Variants in SLC35E1 observed in about 807,000 individuals in gnomAD.
SLC35E1 encodes solute carrier family 35, member E1.
A neutral mutation model predicts 31.0 loss-of-function variants in SLC35E1; 12 were observed. The ratio of observed to expected loss-of-function variants is 0.39; its 90% confidence interval spans 0.25 to 0.63. The LOEUF (loss-of-function observed/expected upper bound fraction) is 0.63, where lower values mean the gene tolerates loss of function less well. Among genes scored for constraint, SLC35E1 ranks in the 20% least tolerant of loss-of-function variants. The pLI is 0.52. For synonymous variants in SLC35E1, 257 were observed against 264.1 expected, an observed-to-expected ratio of 0.97 and a Z score of 0.26; for missense variants, 429 against 572.2, an observed-to-expected ratio of 0.75 and a Z score of 2.55.
chr19:16,561,213 C>CA (rs59176175), intron 4 of SLC35E1, among the ~76,000 whole-genome samples: 534 of 24,768 alleles, frequency 0.022, 49 homozygotes, highest in African/African-American at 0.071. Flanking sequence ...GACTCCATCT[C>CA]AAAAAAAAAA....
At chr19:16,558,401 AT>A (rs1244428268) in intron 4 of SLC35E1, among the ~76,000 whole-genome samples, 1 of 151,822 alleles carries the variant, frequency 6.6e-6, no homozygotes, top group Non-Finnish European at 1.5e-5. Flanking sequence ...CAGTGGCACG[AT>A]CTTGGCTCAC....
At position 16,551,779 on chromosome 19, in the gene SLC35E1, G is replaced by C. The variant is rs1039660096; in HGVS notation, c.*1900C>G. The C allele has an allele frequency of 3.0e-5, 4 of 135,094 alleles. No individual in the cohort carries two copies. The Admixed American group carries it at 3.2e-4, about 11-fold the overall frequency. 8.4% of individuals were successfully genotyped at this position (135,094 alleles called of 1,614,324 possible). On this transcript the variant is annotated 3_prime_UTR_variant, in exon 6 of 6. Transcript: ENST00000595753. ...TTTTTTTTTTTTTTTTTTTGAGACAGAGTCTCACTCTGTCACCAAGGCTGG... is the reference window on the plus strand; with the variant it reads ...TTTTTTTTTTTTTTTTTTTGAGACACAGTCTCACTCTGTCACCAAGGCTGG...
At chr19:16,559,840 A>C (rs2085895767) in intron 4 of SLC35E1, among the ~76,000 whole-genome samples, 1 of 152,058 alleles carries the variant, frequency 6.6e-6, no homozygotes, top group Non-Finnish European at 1.5e-5. Flanking sequence ...AACCACCTGG[A>C]ATTTCCTGGG....
chr19:16,562,914 T>C (rs1599319661), intron 4 of SLC35E1, among the ~76,000 whole-genome samples: 2 of 152,150 alleles, frequency 1.3e-5, no homozygotes, highest in Admixed American at 6.5e-5. Context: ...GGTTTCACCA[T>C]GTTGACCAGG....
At chr19:16,554,258 G>A (rs891071733) in intron 5 of SLC35E1, among the ~76,000 whole-genome samples, 1 of 135,364 alleles carries the variant, frequency 7.4e-6, no homozygotes, top group Non-Finnish European at 1.6e-5. Flanking sequence ...AGAGCAAGAC[G>A]CTGTCTCAGA....
intron 5 of SLC35E1, 41 bp from the exon 6 acceptor site, chr19:16,553,950 G>A (rs1388729057): frequency 2.7e-6 from 4 of 1,504,678 alleles, no homozygotes; most frequent in Admixed American, 2.1e-5. Flanking sequence ...CATGCCCGGG[G>A]CATAAGAGCT....
intron 2 of SLC35E1, among the ~76,000 whole-genome samples, chr19:16,569,057 G>A (rs2085945330): frequency 6.7e-6 from 1 of 149,436 alleles, no homozygotes; most frequent in African/African-American, 2.5e-5. Context: ...ACGGAGTCTC[G>A]CTCTGTCACC....
chr19:16,559,532 A>C (rs2085894223), intron 4 of SLC35E1, among the ~76,000 whole-genome samples: 1 of 151,430 alleles, frequency 6.6e-6, no homozygotes, highest in Non-Finnish European at 1.5e-5. Context: ...GTGAACGTGT[A>C]GTCCCAGCTA....
chr19:16,568,019 G>T lies in SLC35E1; in HGVS notation c.630+13C>A. ...TGAAACCCCATGCATGTCCGCTGAT[G>T]GTGACCAAATACCTTTTTGGAGAAA... On this transcript the variant is annotated intron_variant, in intron 3 of 5. Coordinates refer to ENST00000595753, the MANE Select transcript of SLC35E1 (RefSeq NM_024881.5). 2 of 1,601,594 alleles carry T rather than the reference G, an allele frequency of 1.2e-6. No homozygotes were observed. Among genetic ancestry groups the T allele is most frequent in the South Asian group, 1.1e-5 (1 of 89,772 alleles).
intron 4 of SLC35E1, among the ~76,000 whole-genome samples, chr19:16,556,355 A>C (rs544184389): frequency 6.6e-6 from 1 of 152,220 alleles, no homozygotes; most frequent in African/African-American, 2.4e-5. Context: ...AAAAAAAAAA[A>C]AAAATTAGCC....
At chr19:16,571,651 G>A (rs993538648) in intron 1 of SLC35E1, 69 bp from the exon 2 acceptor site, 18 of 1,546,656 alleles carry the variant, frequency 1.2e-5, no homozygotes, top group Non-Finnish European at 1.6e-5. Flanking sequence ...CCACCTCCAC[G>A]GCGGGATGGG....
chr19:16,555,144 ACT>A lies in SLC35E1; in HGVS notation c.1002+6_1002+7del, dbSNP rs756240824. 2 of 1,613,640 alleles carry A rather than the reference ACT, an allele frequency of 1.2e-6. No homozygotes were observed. The highest frequency in any genetic ancestry group is 1.7e-6 in the Non-Finnish European group (2 of 1,179,960). On this transcript the variant is annotated splice_donor_region_variant and intron_variant, in intron 5 of 5. Coordinates refer to ENST00000595753, the MANE Select transcript of SLC35E1 (RefSeq NM_024881.5). The surrounding 1 kb of genome is among the most constrained non-coding windows in gnomAD (Gnocchi z 4.1). ...CTTCCTTCCCTGCCCAGCCTCTCAG[ACT>A]CTCACCTTGTTATAGAGGAAGACCC...
intron 3 of SLC35E1, among the ~76,000 whole-genome samples, chr19:16,566,914 G>A (rs2085935194): frequency 6.6e-6 from 1 of 152,198 alleles, no homozygotes; most frequent in African/African-American, 2.4e-5. Context: ...AAGTGAAGTA[G>A]GCACTCTGAA....
chr19:16,558,064 A>G (rs1335486256), intron 4 of SLC35E1, among the ~76,000 whole-genome samples: 3 of 147,094 alleles, frequency 2.0e-5, no homozygotes, highest in Admixed American at 6.8e-5. Flanking sequence ...TTTTTTTGAG[A>G]TAGAGTTTTG....
At chr19:16,557,133 T>A in intron 4 of SLC35E1, 1 of 347,722 alleles carries the variant, frequency 2.9e-6, no homozygotes, top group African/African-American at 2.2e-5. Context: ...CAATCTGGTT[T>A]AAAACAAAAA....
intron 5 of SLC35E1, 85 bp from the exon 6 acceptor site, chr19:16,553,994 G>C (rs2085860077): frequency 8.0e-7 from 1 of 1,242,590 alleles, no homozygotes; most frequent in South Asian, 1.6e-5. Flanking sequence ...GCTGGCTGCG[G>C]TGGCTCACAC....
intron 2 of SLC35E1, among the ~76,000 whole-genome samples, chr19:16,571,144 A>G (rs1315928679): frequency 6.6e-6 from 1 of 151,814 alleles, no homozygotes; most frequent in African/African-American, 2.4e-5. Flanking sequence ...GTTCTGATCC[A>G]TCCATCCCTA....
rs1349019652 is a variant in SLC35E1, at chr19:16,552,127, A to G, written c.*1552T>C. The G allele has an allele frequency of 2.0e-5, 3 of 152,166 alleles. No individual in the cohort carries two copies. The highest frequency in any genetic ancestry group is 4.8e-5 in the African/African-American group (2 of 41,432). The allele number at this position is 152,166 out of a possible 1,614,324, so 9.4% of individuals were successfully genotyped here. On this transcript the variant is annotated 3_prime_UTR_variant, in exon 6 of 6. Coordinates refer to ENST00000595753, the MANE Select transcript of SLC35E1 (RefSeq NM_024881.5). ...CGCTCCTCGTCCCCTTACCCAGAAC[A>G]TGATTCAGATCCTAACATAAACACA... is the stretch of plus-strand genomic sequence containing the variant.
Position 16,552,838 on chromosome 19 carries a change from CA to C in SLC35E1, c.*840del, listed in dbSNP as rs1420982634. ...TCACAGAAGAGGTGAAGATGCCTCTCAAAAGACATGTGCCACAGAAATAGAG... is the reference window on the plus strand; with the variant it reads ...TCACAGAAGAGGTGAAGATGCCTCTCAAAGACATGTGCCACAGAAATAGAG... On this transcript the variant is annotated 3_prime_UTR_variant, in exon 6 of 6. Coordinates refer to ENST00000595753, the MANE Select transcript of SLC35E1 (RefSeq NM_024881.5). 3.3e-5 allele frequency: 5 copies of C among 152,212 alleles called. No homozygotes were observed. Among genetic ancestry groups the C allele is most frequent in the Non-Finnish European group, 7.3e-5 (5 of 68,048 alleles). The allele number at this position is 152,212 out of a possible 1,614,324, so 9.4% of individuals were successfully genotyped here. A position where few individuals can be genotyped will look rare whatever the true frequency, so the allele number is the denominator to read the frequency against.
Sources: gnomAD v4.1 joint callset for allele counts (sites outside exome capture counted in the v4.1 genomes callset) on GRCh38, gnomAD v4.1.1 for gene constraint, Gnocchi (gnomAD v3.1) non-coding constraint, MANE v1.5 for transcripts, NCBI Gene and HGNC (gene_info 2026-07-23, HGNC 2026-07-21) for gene names.